Variants in UBR3 observed in about 807,000 individuals in gnomAD.
The protein encoded by UBR3 is ubiquitin protein ligase E3 component n-recognin 3.
UBR3 carries 85 observed loss-of-function variants against 243.2 expected under a neutral mutation model. That is an observed-to-expected ratio of 0.35 (90% CI 0.29 to 0.42). The LOEUF (loss-of-function observed/expected upper bound fraction) is 0.42. Among genes scored for constraint, UBR3 ranks in the 10% least tolerant of loss-of-function variants. The pLI, the probability that UBR3 is intolerant of heterozygous loss-of-function variation, is 1.00. For synonymous variants in UBR3, 748 were observed against 799.8 expected (o/e 0.94, Z 1.09); for missense variants, 1,686 against 2,300.8 (o/e 0.73, Z 5.47).
intron 32 of UBR3, among the ~76,000 whole-genome samples, chr2:170,042,688 C>A (rs1187257366): frequency 0.013 from 1,204 of 91,340 alleles, no homozygotes; most frequent in Admixed American, 0.014. Context: ...TACTCTGCCT[C>A]AAAAAAAAAA....
chr2:169,829,079 A>G (rs1257667852), intron 1 of UBR3, among the ~76,000 whole-genome samples: 1 of 152,180 alleles, frequency 6.6e-6, no homozygotes, highest in Non-Finnish European at 1.5e-5. Flanking sequence ...TCAGTTATTA[A>G]ACTTCTTCAA....
Position 169,928,816 on chromosome 2 carries a change from T to C in UBR3, c.2514T>C (p.Ala838=). 6.6e-7 allele frequency: 1 copy of C among 1,506,770 alleles called. No individual in the cohort carries two copies. Among genetic ancestry groups the C allele is most frequent in the South Asian group, 1.3e-5 (1 of 77,592 alleles). The allele number at this position is 1,506,770 out of a possible 1,614,324, so 93.3% of individuals were successfully genotyped here. The change falls in exon 18 of 39, where the codon GCT becomes GCC. Residue 838 remains alanine, a synonymous_variant. Transcript: ENST00000272793. ...SVLSAVADFK[A]PVFEPGGSMQ... ...TATCAGCTGTAGCTGATTTTAAGGC[T>C]CCTGTTTTTGAACCTGGAGGTTCTA...
chr2:169,905,094 T>G lies in UBR3; in HGVS notation c.1466-20T>G. The G allele has an allele frequency of 6.9e-7, 1 of 1,440,064 alleles. No individual in the cohort carries two copies. The highest frequency in any genetic ancestry group is 1.4e-5 in the African/African-American group (1 of 69,058). The allele number at this position is 1,440,064 out of a possible 1,614,324, so 89.2% of individuals were successfully genotyped here. A position where few individuals can be genotyped will look rare whatever the true frequency, so the allele number is the denominator to read the frequency against. ...AAAAAAATCTTATGAAATTTTTGGGTTGTGTGTGTCTTTTTTTAGATGAAG... is the reference window on the plus strand; with the variant it reads ...AAAAAAATCTTATGAAATTTTTGGGGTGTGTGTGTCTTTTTTTAGATGAAG... On this transcript the variant is annotated intron_variant, in intron 8 of 38. Transcript: ENST00000272793.
chr2:170,048,923 A>G (rs940674940), intron 32 of UBR3, among the ~76,000 whole-genome samples: 1 of 152,102 alleles, frequency 6.6e-6, no homozygotes, highest in Admixed American at 6.6e-5. Context: ...GAGAGATCAG[A>G]TTTTCATAAT....
chr2:170,015,997 C>A (rs1451331209), intron 30 of UBR3, among the ~76,000 whole-genome samples: 2 of 151,706 alleles, frequency 1.3e-5, no homozygotes, highest in Non-Finnish European at 1.5e-5. Flanking sequence ...TGAATATCAG[C>A]ATATAGCTGA....
chr2:170,026,157 CT>C (rs1480515507), intron 30 of UBR3, among the ~76,000 whole-genome samples: 1 of 151,432 alleles, frequency 6.6e-6, no homozygotes, highest in Non-Finnish European at 1.5e-5. Context: ...ATAAAAGTAA[CT>C]GAGAAGGAAC....
chr2:169,956,964 A>G lies in UBR3; in HGVS notation c.3546-1474A>G, dbSNP rs16857334. ...ACTGCTGTAGTATACTCTGTCCATT[A>G]TGTTCTCATGTCTTCTGTATTATGG... On this transcript the variant is annotated intron_variant, in intron 23 of 38. Coordinates refer to ENST00000272793, the MANE Select transcript of UBR3 (RefSeq NM_172070.4). 3.7e-3 allele frequency among the ~76,000 whole-genome samples: 571 copies of G among 152,292 alleles called. 3 individuals are homozygous for G. The highest frequency in any genetic ancestry group is 0.013 in the African/African-American group (536 of 41,572).
chr2:169,904,842 TA>T (rs1385037128), intron 8 of UBR3, among the ~76,000 whole-genome samples: 2 of 152,162 alleles, frequency 1.3e-5, no homozygotes, highest in African/African-American at 4.8e-5. Context: ...ATATTGGACA[TA>T]TGGTAATAAT....
intron 11 of UBR3, among the ~76,000 whole-genome samples, chr2:169,916,164 T>G (rs2085457536): frequency 6.6e-6 from 1 of 152,134 alleles, no homozygotes; most frequent in African/African-American, 2.4e-5. Flanking sequence ...CATAAGTACA[T>G]ATACATATTT....
intron 18 of UBR3, 129 bp from the exon 19 acceptor site, chr2:169,932,783 G>T: frequency 2.7e-6 from 2 of 744,164 alleles, no homozygotes; most frequent in Non-Finnish European, 4.1e-6. Context: ...GCTTCTTAAG[G>T]CAAATACTAT....
At chr2:169,899,343 T>C (rs990936008) in intron 8 of UBR3, among the ~76,000 whole-genome samples, 10 of 152,346 alleles carry the variant, frequency 6.6e-5, no homozygotes, top group African/African-American at 2.4e-4. Context: ...ACTAACTTCA[T>C]GTAATATGAT....
chr2:170,079,310 C>T (rs1366251354), intron 36 of UBR3, among the ~76,000 whole-genome samples: 2 of 151,966 alleles, frequency 1.3e-5, no homozygotes, highest in African/African-American at 4.8e-5. Flanking sequence ...GCTTGAGGTG[C>T]AATGAATTGT....
intron 31 of UBR3, among the ~76,000 whole-genome samples, chr2:170,034,919 A>G (rs1257170788): frequency 6.6e-6 from 1 of 151,080 alleles, no homozygotes; most frequent in Non-Finnish European, 1.5e-5. Context: ...CTCTGATGAC[A>G]TACGGTCTGG....
chr2:169,869,186 T>A (rs2083353770), intron 1 of UBR3, among the ~76,000 whole-genome samples: 1 of 150,958 alleles, frequency 6.6e-6, no homozygotes, highest in Non-Finnish European at 1.5e-5. Flanking sequence ...TTTTTTTGTT[T>A]AAACTTCTGG....
intron 8 of UBR3, among the ~76,000 whole-genome samples, chr2:169,904,128 G>A (rs982893689): frequency 1.3e-5 from 2 of 151,902 alleles, no homozygotes; most frequent in African/African-American, 4.8e-5. Context: ...AGGTTTTTTA[G>A]CTTTTTTTCC....
At chr2:169,987,361 C>T (rs1347138902) in intron 25 of UBR3, among the ~76,000 whole-genome samples, 1 of 146,808 alleles carries the variant, frequency 6.8e-6, no homozygotes, top group East Asian at 2.0e-4. Context: ...CCACTGCACT[C>T]CAGCCTGGGT....
intron 18 of UBR3, among the ~76,000 whole-genome samples, chr2:169,931,323 C>T (rs1210158218): frequency 3.8e-5 from 5 of 131,054 alleles, no homozygotes; most frequent in African/African-American, 1.2e-4. Flanking sequence ...TGTACTCCAG[C>T]CTGGGTGACA....
At chr2:169,921,496 A>G (rs1307805895) in intron 11 of UBR3, among the ~76,000 whole-genome samples, 1 of 152,238 alleles carries the variant, frequency 6.6e-6, no homozygotes, top group African/African-American at 2.4e-5. Flanking sequence ...GAGAATGTGA[A>G]CATAGGATAT....
chr2:170,042,688 CAAAA>C (rs59694680), intron 32 of UBR3, among the ~76,000 whole-genome samples: 1 of 91,586 alleles, frequency 1.1e-5, no homozygotes, highest in Admixed American at 1.5e-4. Context: ...TACTCTGCCT[CAAAA>C]AAAAAAAAAA....
Sources: gnomAD v4.1 joint callset for allele counts (sites outside exome capture counted in the v4.1 genomes callset) on GRCh38, gnomAD v4.1.1 for gene constraint, MANE v1.5 for transcripts, NCBI Gene and HGNC (gene_info 2026-07-23, HGNC 2026-07-21) for gene names.